The following GUCY1B1 variants were observed in gnomAD, a reference collection of about 807,000 sequenced individuals.
GUCY1B1 encodes guanylate cyclase soluble subunit beta-1.
Under a neutral mutation model 71.0 loss-of-function variants are expected in GUCY1B1, and 43 were observed. That is an observed-to-expected ratio of 0.61 (90% confidence interval 0.47 to 0.78). The LOEUF (loss-of-function observed/expected upper bound fraction) is 0.78. Ranked by LOEUF, GUCY1B1 falls within the 30% of genes least tolerant of loss-of-function variation. GUCY1B1 has a pLI of 0.00. For missense variants in GUCY1B1, 535 were observed against 754.1 expected, an observed-to-expected ratio of 0.71 and a Z score of 3.40; for synonymous variants, 266 against 259.7, an observed-to-expected ratio of 1.02 and a Z score of -0.23.
chr4:155,763,679 T>A (rs915170155), intron 2 of GUCY1B1, among the ~76,000 whole-genome samples: 1 of 152,210 alleles, frequency 6.6e-6, no homozygotes, highest in Non-Finnish European at 1.5e-5. Context: ...TTAATGTGTC[T>A]TGTTAAATTT....
intron 2 of GUCY1B1, among the ~76,000 whole-genome samples, chr4:155,771,900 T>G (rs192650356): frequency 6.6e-6 from 1 of 152,246 alleles, no homozygotes; most frequent in Non-Finnish European, 1.5e-5. Context: ...CTCAAATGGG[T>G]TTTAAAGCAG....
At chr4:155,778,075 G>T (rs1185671218) in intron 4 of GUCY1B1, among the ~76,000 whole-genome samples, 1 of 152,076 alleles carries the variant, frequency 6.6e-6, no homozygotes, top group East Asian at 1.9e-4. Flanking sequence ...GTTCTACCTG[G>T]AGCTCAATGT....
intron 5 of GUCY1B1, 130 bp downstream of exon 5, chr4:155,790,041 T>C (rs1739053891): frequency 1.6e-6 from 1 of 613,706 alleles, no homozygotes; most frequent in African/African-American, 1.8e-5. Context: ...GCCAAAACAG[T>C]GGAAAGACCA....
chr4:155,798,021 T>A (rs2111152727), intron 8 of GUCY1B1, among the ~76,000 whole-genome samples: 1 of 152,284 alleles, frequency 6.6e-6, no homozygotes, highest in Non-Finnish European at 1.5e-5. Context: ...CTTAGGAGAA[T>A]GTCAGCTTCT....
chr4:155,783,390 G>T (rs753621854), intron 4 of GUCY1B1, among the ~76,000 whole-genome samples: 20 of 152,182 alleles, frequency 1.3e-4, no homozygotes, highest in Non-Finnish European at 2.6e-4. Context: ...GAAAATATAC[G>T]TGGGCAAATG....
At chr4:155,806,291 G>T (rs1740307643) in intron 13 of GUCY1B1, 95 bp from the exon 14 acceptor site, 2 of 765,120 alleles carry the variant, frequency 2.6e-6, no homozygotes, top group Admixed American at 4.3e-5. Flanking sequence ...TGTGAACGTG[G>T]ATCACACTCT....
chr4:155,760,995 A>G (rs2110953628), intron 2 of GUCY1B1, among the ~76,000 whole-genome samples: 1 of 152,310 alleles, frequency 6.6e-6, no homozygotes, highest in African/African-American at 2.4e-5. Flanking sequence ...TTTCCATAGA[A>G]ATGACCAGGG....
At chr4:155,780,585 C>T (rs77068647) in intron 4 of GUCY1B1, among the ~76,000 whole-genome samples, 2 of 152,146 alleles carry the variant, frequency 1.3e-5, no homozygotes, top group Non-Finnish European at 2.9e-5. Flanking sequence ...TTCACAGATG[C>T]AATCTGTATA....
At chr4:155,803,560 A>C (rs1740100835) in intron 10 of GUCY1B1, 64 bp from the exon 11 acceptor site, 1 of 1,138,368 alleles carries the variant, frequency 8.8e-7, no homozygotes, top group Non-Finnish European at 1.2e-6. Context: ...GTTTTTTGTT[A>C]GGGTAATAAA....
rs1162503976 is a variant in GUCY1B1, at chr4:155,802,159, G to A, written c.1176-183G>A. 3 of 1,375,528 alleles carry A rather than the reference G, an allele frequency of 2.2e-6. No individual in the cohort carries two copies. Among genetic ancestry groups the A allele is most frequent in the Non-Finnish European group, 2.9e-6 (3 of 1,039,870 alleles). The allele number at this position is 1,375,528 out of a possible 1,614,324, so 85.2% of individuals were successfully genotyped here. A position where few individuals can be genotyped will look rare whatever the true frequency, so the allele number is the denominator to read the frequency against. ...TGATTAGGATGAACAAATAATTTAT[G>A]TTTTCTGTAAATCCTTGCTTATAAA... is the stretch of plus-strand genomic sequence containing the variant. On this transcript the variant is annotated intron_variant, in intron 9 of 13. Transcript: ENST00000264424. The surrounding 1 kb of genome is among the most constrained non-coding windows in gnomAD (Gnocchi z 4.3).
intron 2 of GUCY1B1, among the ~76,000 whole-genome samples, chr4:155,762,326 G>T (rs1010162699): frequency 6.8e-6 from 1 of 147,746 alleles, no homozygotes; most frequent in African/African-American, 2.4e-5. Flanking sequence ...AATATAAGAG[G>T]AAAAACATTT....
At chr4:155,762,191 G>A (rs919808472) in intron 2 of GUCY1B1, among the ~76,000 whole-genome samples, 28 of 152,184 alleles carry the variant, frequency 1.8e-4, no homozygotes, top group African/African-American at 6.8e-4. Context: ...ACCTGGAGGA[G>A]TGTAATTGAA....
chr4:155,792,179 G>C (rs898901571), intron 5 of GUCY1B1, among the ~76,000 whole-genome samples: 2 of 151,956 alleles, frequency 1.3e-5, no homozygotes, highest in African/African-American at 4.8e-5. Context: ...ATCAGGTCCA[G>C]AGATACCAGA....
In GUCY1B1 at chr4:155,793,942, T is replaced by A; in HGVS notation, c.582T>A (p.Asp194Glu). 1 of 1,597,624 alleles carries A rather than the reference T, an allele frequency of 6.3e-7. No homozygotes were observed. The change falls in exon 6 of 14, where the codon GAT becomes GAA. Residue 194 changes from aspartate to glutamate, a missense_variant. Asp to Glu is a conservative substitution (Grantham distance 45). Coordinates refer to ENST00000264424, the MANE Select transcript of GUCY1B1 (RefSeq NM_000857.5). Reference protein sequence around the residue: ...KESKEEDFYEDLDRFEENGTQ... With the variant: ...KESKEEDFYEELDRFEENGTQ... ...CAAAAGAAGAGGATTTTTATGAAGA[T>A]CTTGACAGATTTGAAGAAAATGGTA...
At chr4:155,786,271 CTTTTTTT>C (rs33996424) in intron 4 of GUCY1B1, among the ~76,000 whole-genome samples, 6 of 123,796 alleles carry the variant, frequency 4.8e-5, no homozygotes, top group African/African-American at 6.5e-5. Context: ...GTTCAATTTC[CTTTTTTT>C]TTTTTTTTTT....
intron 2 of GUCY1B1, among the ~76,000 whole-genome samples, chr4:155,771,973 T>C (rs925718176): frequency 1.3e-5 from 2 of 152,184 alleles, no homozygotes; most frequent in African/African-American, 4.8e-5. Flanking sequence ...GCAGTGATTA[T>C]CTCAGGATAG....
rs746160434 is a variant in GUCY1B1, at chr4:155,789,719, T to A, written c.303T>A (p.Leu101=). ...GSNVREFLQN[L]DALHDHLATI... ...CCCTTTCTTCTTTGCTGCAGAACCT[T>A]GATGCTCTGCACGACCACCTTGCTA... Residue 101 remains leucine (L), a synonymous_variant, in exon 5 of 14, where the codon CTT becomes CTA. Coordinates refer to ENST00000264424, the MANE Select transcript of GUCY1B1 (RefSeq NM_000857.5). The A allele has an allele frequency of 6.3e-7, 1 of 1,582,376 alleles. No individual in the cohort carries two copies. Among genetic ancestry groups the A allele is most frequent in the Non-Finnish European group, 8.6e-7 (1 of 1,156,880 alleles).
chr4:155,786,313 G>A (rs1422345833), intron 4 of GUCY1B1, among the ~76,000 whole-genome samples: 5 of 131,866 alleles, frequency 3.8e-5, no homozygotes, highest in East Asian at 2.2e-4. Context: ...TCACTGTGTC[G>A]CCCAGGCTGG....
chr4:155,789,963 T>G, intron 5 of GUCY1B1, 52 bp downstream of exon 5: 1 of 1,187,078 alleles, frequency 8.4e-7, no homozygotes, highest in Non-Finnish European at 1.2e-6. Flanking sequence ...TAAAAATATT[T>G]TAAATGACAC....
Sources: allele counts gnomAD v4.1 joint callset (sites outside exome capture counted in the v4.1 genomes callset), GRCh38; gene constraint gnomAD v4.1.1; non-coding constraint Gnocchi (gnomAD v3.1); transcripts MANE v1.5; gene names NCBI Gene and HGNC (gene_info 2026-07-23, HGNC 2026-07-21).